The following TPO variants were observed in gnomAD, a reference collection of about 807,000 sequenced individuals.
TPO encodes thyroid peroxidase.
Under a neutral mutation model 96.9 loss-of-function variants are expected in TPO, and 78 were observed. The ratio of observed to expected loss-of-function variants is 0.81; its 90% CI spans 0.67 to 0.97. TPO has a LOEUF of 0.97. Among genes scored for constraint, TPO ranks in the 50% least tolerant of loss-of-function variants. TPO has a pLI of 0.00. For synonymous variants in TPO, 547 were observed against 538.0 expected (o/e 1.02, Z -0.23); for missense variants, 1,252 against 1,274.8 (o/e 0.98, Z 0.27).
intron 15 of TPO, among the ~76,000 whole-genome samples, chr2:1,526,134 C>G (rs1266806877): frequency 9.8e-6 from 1 of 101,786 alleles, no homozygotes; most frequent in Admixed American, 1.1e-4. Context: ...GCAACCTCCC[C>G]CATCCCTCCA....
intron 6 of TPO, among the ~76,000 whole-genome samples, chr2:1,454,173 CTTG>C (rs3831487): frequency 0.38 from 57,774 of 151,880 alleles, 11,109 homozygotes; most frequent in South Asian, 0.48. Context: ...CAGCAATCCA[CTTG>C]TTGATGTAAA....
intron 1 of TPO, among the ~76,000 whole-genome samples, chr2:1,389,301 C>T (rs911514112): frequency 1.3e-5 from 2 of 152,056 alleles, no homozygotes; most frequent in Non-Finnish European, 2.9e-5. Flanking sequence ...ATCTGGTGTC[C>T]GGGTTATTGA....
chr2:1,523,028 C>A (rs145405959), intron 15 of TPO, among the ~76,000 whole-genome samples: 1,624 of 131,654 alleles, frequency 0.012, 13 homozygotes, highest in Middle Eastern at 0.021. Flanking sequence ...CAACTCTGTG[C>A]AACCTCCCCA....
At chr2:1,540,327 A>G (rs1413651111) in intron 15 of TPO, among the ~76,000 whole-genome samples, 1 of 152,188 alleles carries the variant, frequency 6.6e-6, no homozygotes, top group African/African-American at 2.4e-5. Context: ...TGATTGTTGT[A>G]AGAAAGCCCC....
chr2:1,542,337 C>A, intron 16 of TPO, 84 bp from the exon 17 acceptor site: 1 of 1,559,898 alleles, frequency 6.4e-7, no homozygotes, highest in South Asian at 1.2e-5. Context: ...CCTGTCCAGG[C>A]CCTTCTGTCT....
chr2:1,441,509 G>A (rs1424778358), intron 5 of TPO, among the ~76,000 whole-genome samples: 1 of 152,134 alleles, frequency 6.6e-6, no homozygotes, highest in Non-Finnish European at 1.5e-5. Context: ...TTGGGGTGAA[G>A]GTGTTTTGGT....
Position 1,500,010 on chromosome 2 carries a change from A to G in TPO, c.2386+3245A>G, listed in dbSNP as rs770392213. 5.3e-5 allele frequency among the ~76,000 whole-genome samples: 8 copies of G among 152,360 alleles called. No individual in the cohort carries two copies. In the South Asian group the frequency reaches 6.2e-4, roughly 12 times the overall value. Reference sequence around the variant, plus strand: ...GTGTTCTGAATGCTGGGACAGCCACACCCAGAACAATTACACTACACAGTT... The same window carrying G: ...GTGTTCTGAATGCTGGGACAGCCACGCCCAGAACAATTACACTACACAGTT... On this transcript the variant is annotated intron_variant, in intron 13 of 16. Transcript: ENST00000329066.
chr2:1,538,846 C>T (rs1558444919), intron 15 of TPO, among the ~76,000 whole-genome samples: 1 of 152,134 alleles, frequency 6.6e-6, no homozygotes, highest in African/African-American at 2.4e-5. Flanking sequence ...TTGCTCCCCC[C>T]GAAGGTTGGA....
chr2:1,485,486 C>T (rs1429184599), intron 9 of TPO, among the ~76,000 whole-genome samples: 1 of 151,988 alleles, frequency 6.6e-6, no homozygotes. Flanking sequence ...GCCACACTGT[C>T]TTCCACAATG....
upstream of TPO, among the ~76,000 whole-genome samples, chr2:1,409,798 A>ACC (rs201418342): frequency 9.0e-3 from 1,307 of 145,798 alleles, 36 homozygotes; most frequent in East Asian, 0.081. Flanking sequence ...GTGCGCGCAC[A>ACC]CACACACACA....
chr2:1,385,915 CT>C (rs1376525778), intron 1 of TPO, among the ~76,000 whole-genome samples: 1 of 151,922 alleles, frequency 6.6e-6, no homozygotes, highest in Admixed American at 6.6e-5. Context: ...TATGTTGTGT[CT>C]TTGTTCTCGT....
At position 1,537,622 on chromosome 2, in the gene TPO, G is replaced by T. The variant is rs55920855; in HGVS notation, c.2619-2972G>T. On this transcript the variant is annotated intron_variant, in intron 15 of 16. Transcript: ENST00000329066. ...GTGTGCAAACTCCTCAAATCACCCCGCTGTGTGCAACATCCCCAGATCCCC... is the reference window on the plus strand; with the variant it reads ...GTGTGCAAACTCCTCAAATCACCCCTCTGTGTGCAACATCCCCAGATCCCC... Among the ~76,000 whole-genome samples the T allele has an allele frequency of 4.1e-3, 246 of 60,394 alleles. 1 individual carries two copies. The highest frequency in any genetic ancestry group is 0.013 in the Admixed American group (50 of 3,816). The allele number at this position is 60,394 out of a possible 152,430, so 39.6% of individuals were successfully genotyped here.
At chr2:1,500,596 A>C (rs1183631365) in intron 13 of TPO, among the ~76,000 whole-genome samples, 1 of 152,240 alleles carries the variant, frequency 6.6e-6, no homozygotes, top group Non-Finnish European at 1.5e-5. Context: ...AATATTTGAT[A>C]CAGAAAAACA....
At chr2:1,527,306 C>T (rs61523329) in intron 15 of TPO, among the ~76,000 whole-genome samples, 30,319 of 138,640 alleles carry the variant, frequency 0.22, 196 homozygotes, top group South Asian at 0.28. Flanking sequence ...GTGTAACCTC[C>T]CCAAATCCCC....
At chr2:1,459,877 C>A (rs368250092) in intron 7 of TPO, among the ~76,000 whole-genome samples, 1 of 152,062 alleles carries the variant, frequency 6.6e-6, no homozygotes, top group African/African-American at 2.4e-5. Context: ...TCTGCAGAGC[C>A]CCCTCACCAG....
chr2:1,504,783 C>T (rs1440887150), intron 14 of TPO, among the ~76,000 whole-genome samples: 5 of 152,178 alleles, frequency 3.3e-5, no homozygotes, highest in African/African-American at 1.2e-4. Flanking sequence ...GTCACACAGC[C>T]ACTCCGTAGC....
chr2:1,448,110 C>T (rs1002643869), intron 5 of TPO, among the ~76,000 whole-genome samples: 3 of 152,242 alleles, frequency 2.0e-5, no homozygotes, highest in Admixed American at 2.0e-4. Context: ...TGGGAGGAGC[C>T]GGGATTGGAG....
At chr2:1,526,457 C>A (rs889212545) in intron 15 of TPO, among the ~76,000 whole-genome samples, 4 of 141,862 alleles carry the variant, frequency 2.8e-5, no homozygotes, top group African/African-American at 8.0e-5. Flanking sequence ...GTGCAACCTC[C>A]CCAAATCCCC....
At chr2:1,461,619 C>T (rs921086739) in intron 7 of TPO, among the ~76,000 whole-genome samples, 32 of 152,184 alleles carry the variant, frequency 2.1e-4, no homozygotes, top group African/African-American at 7.7e-4. Flanking sequence ...GGCATGCACA[C>T]ACTCACAGGC....
Sources: allele counts gnomAD v4.1 joint callset (sites outside exome capture counted in the v4.1 genomes callset), GRCh38; gene constraint gnomAD v4.1.1; transcripts MANE v1.5; gene names NCBI Gene and HGNC (gene_info 2026-07-23, HGNC 2026-07-21).